BARX1: variants seen among roughly 807,000 people sequenced by gnomAD.
BARX1 encodes the protein BARX homeobox 1.
A neutral mutation model predicts 19.6 loss-of-function variants in BARX1; 10 were observed. The observed-to-expected ratio is 0.51, with a 90% CI of 0.31 to 0.86. BARX1 has a LOEUF of 0.86. BARX1 is among the 40% of genes least tolerant of loss of function. BARX1 has a pLI of 0.04. For missense variants in BARX1, 309 were observed against 360.4 expected (o/e 0.86, Z 1.15); for synonymous variants, 177 against 170.0 (o/e 1.04, Z -0.32).
In BARX1 at chr9:93,955,202, TCCGGCGCGGGG is replaced by T. The variant is rs893544888; in HGVS notation, c.-67_-57del. On this transcript the variant is annotated 5_prime_UTR_variant, in exon 1 of 4. Coordinates refer to ENST00000253968, the MANE Select transcript of BARX1 (RefSeq NM_021570.4). The surrounding 1 kb of genome is among the most constrained non-coding windows in gnomAD (Gnocchi z 4.4). Reference sequence around the variant, plus strand: ...GCGGCGGCGGCGGCGACGGCTTGGCTCCGGCGCGGGGCCCGCGCGGGGCTCTAGGCCGGCCC... The same window carrying T: ...GCGGCGGCGGCGGCGACGGCTTGGCTCCCGCGCGGGGCTCTAGGCCGGCCC... 6.1e-6 allele frequency: 5 copies of T among 814,400 alleles called. No individual in the cohort carries two copies. In the African/African-American group the frequency reaches 9.5e-5, roughly 16 times the overall value. The allele number at this position is 814,400 out of a possible 1,614,324, so 50.4% of individuals were successfully genotyped here.
At position 93,955,004 on chromosome 9, in the gene BARX1, G is replaced by A; in HGVS notation, c.143C>T (p.Ala48Val). Residue 48 changes from alanine (A) to valine (V), a missense_variant, in exon 1 of 4, where the codon GCC becomes GTC. By Grantham distance (64) the Ala-to-Val change is moderately conservative. Transcript: ENST00000253968. The surrounding 1 kb of genome is among the most constrained non-coding windows in gnomAD (Gnocchi z 4.4). ...CAGCTCGCCCGCCGCGGCAGCGGCG[G>A]CTGCGGGCGCGGCGCCCTTGGGCCC... ...PPGPKGAAPA[A>V]AAAAAGELLK... is the part of the protein sequence containing the mutation. 1 of 1,399,712 alleles carries A rather than the reference G, an allele frequency of 7.1e-7. No homozygotes were observed. The highest frequency in any genetic ancestry group is 9.3e-7 in the Non-Finnish European group (1 of 1,077,604). 86.7% of individuals were successfully genotyped at this position (1,399,712 alleles called of 1,614,324 possible). A position where few individuals can be genotyped will look rare whatever the true frequency, so the allele number is the denominator to read the frequency against.
rs1026250284 is a variant in BARX1, at chr9:93,955,179, G to A, written c.-33C>T. The stretch of plus-strand genomic sequence containing the variant: ...CCCACTGCTGCGCCCGCGGTTTGGC[G>A]GCGGCGGCGGCGACGGCTTGGCTCC... On this transcript the variant is annotated 5_prime_UTR_variant, in exon 1 of 4. Coordinates refer to ENST00000253968, the MANE Select transcript of BARX1 (RefSeq NM_021570.4). This position sits in a 1 kb window ranked among gnomAD's most constrained non-coding sequence, Gnocchi z 4.4. The A allele has an allele frequency of 2.8e-5, 27 of 975,784 alleles. 1 individual carries two copies. Among genetic ancestry groups the A allele is most frequent in the Non-Finnish European group, 3.3e-5 (27 of 820,672 alleles). 60.4% of individuals were successfully genotyped at this position (975,784 alleles called of 1,614,324 possible).
Position 93,953,200 on chromosome 9 carries a change from A to C in BARX1, c.224-13T>G, listed in dbSNP as rs1468590640. On this transcript the variant is annotated splice_polypyrimidine_tract_variant and intron_variant, in intron 1 of 3. Transcript: ENST00000253968. Reference sequence around the variant, plus strand: ...GCCTTCAGCACGGCTGCGAAGAAAGAGAATGAGGACCCGGGTGAGCTACGG... The same window carrying C: ...GCCTTCAGCACGGCTGCGAAGAAAGCGAATGAGGACCCGGGTGAGCTACGG... 4 of 1,491,370 alleles carry C rather than the reference A, an allele frequency of 2.7e-6. No individual in the cohort carries two copies. The highest frequency in any genetic ancestry group is 3.5e-6 in the Non-Finnish European group (4 of 1,132,010). The allele number at this position is 1,491,370 out of a possible 1,614,324, so 92.4% of individuals were successfully genotyped here.
chr9:93,953,077 C>G lies in BARX1; in HGVS notation c.334G>C (p.Ala112Pro). 6.4e-7 allele frequency: 1 copy of G among 1,556,242 alleles called. No individual in the cohort carries two copies. The highest frequency in any genetic ancestry group is 8.7e-7 in the Non-Finnish European group (1 of 1,150,896). The change falls in exon 2 of 4, where the codon GCG becomes CCG. Residue 112 changes from alanine to proline, a missense_variant. Physicochemically the swap from Ala to Pro is conservative, Grantham distance 27. Around this residue, in one of 3 missense-constraint regions of BARX1, gnomAD observed 204 missense variants for 206.8 expected, o/e 0.99. Coordinates refer to ENST00000253968, the MANE Select transcript of BARX1 (RefSeq NM_021570.4). ...LAAGPGLPGA[A>P]GAPHLPLELQ... The stretch of plus-strand genomic sequence containing the variant: ...TCGAGCGGCAGGTGTGGCGCACCCG[C>G]GGCGCCGGGCAGCCCGGGCCCTGCC...
chr9:93,953,146 G>C lies in BARX1; in HGVS notation c.265C>G (p.Leu89Val), dbSNP rs541371621. The C allele has an allele frequency of 6.5e-7, 1 of 1,540,326 alleles. No homozygotes were observed. The highest frequency in any genetic ancestry group is 1.4e-5 in the African/African-American group (1 of 72,168). The change falls in exon 2 of 4, where the codon CTG becomes GTG. Residue 89 changes from leucine to valine, a missense_variant. This residue lies in a region of BARX1 where 204 missense variants were observed against 206.8 expected (regional missense o/e 0.99). Coordinates refer to ENST00000253968, the MANE Select transcript of BARX1 (RefSeq NM_021570.4). Reference protein sequence around the residue: ...AEQAAVFKFPLAPLGCSGLSS... With the variant: ...AEQAAVFKFPVAPLGCSGLSS... ...AGCCCTGAACAGCCCAGCGGCGCCA[G>C]TGGGAACTTGAACACCGCCGCCTGC... is the stretch of plus-strand genomic sequence containing the variant.
At chr9:93,953,252 C>T (rs906945660) in intron 1 of BARX1, 65 bp from the exon 2 acceptor site, 2 of 1,423,326 alleles carry the variant, frequency 1.4e-6, no homozygotes, top group Non-Finnish European at 1.8e-6. Context: ...CAGGGACTGC[C>T]GCACCACGTG....
At chr9:93,953,524 A>C in intron 1 of BARX1, 3 of 346,832 alleles carry the variant, frequency 8.6e-6, no homozygotes, top group Middle Eastern at 7.5e-4. Context: ...GAAAGTAGAA[A>C]CCAAAAAGAA....
rs934796935 is a variant in BARX1 at position 93,955,092 on chromosome 9, C to T, written c.55G>A (p.Ala19Thr). ...AARFGPPEGC[A>T]DHRPHRYRSF... The stretch of plus-strand genomic sequence containing the variant: ...CGATAGCGGTGCGGCCGGTGGTCCG[C>T]GCAGCCCTCGGGCGGGCCGAAGCGC... The change falls in exon 1 of 4, where the codon GCG becomes ACG. Residue 19 changes from alanine (A) to threonine (T), a missense_variant. Ala to Thr is a moderately conservative substitution (Grantham distance 58). Coordinates refer to ENST00000253968, the MANE Select transcript of BARX1 (RefSeq NM_021570.4). This position sits in a 1 kb window ranked among gnomAD's most constrained non-coding sequence, Gnocchi z 4.4. 8 of 1,350,688 alleles carry T rather than the reference C, an allele frequency of 5.9e-6. No individual in the cohort carries two copies. In the African/African-American group the frequency reaches 9.2e-5, roughly 16 times the overall value. 83.7% of individuals were successfully genotyped at this position (1,350,688 alleles called of 1,614,324 possible). A position where few individuals can be genotyped will look rare whatever the true frequency, so the allele number is the denominator to read the frequency against.
At chr9:93,954,007 G>A (rs943569217) in intron 1 of BARX1, among the ~76,000 whole-genome samples, 3 of 152,208 alleles carry the variant, frequency 2.0e-5, no homozygotes, top group African/African-American at 7.2e-5. Context: ...TCCCTTCCCC[G>A]ACAGGCCTGT....
rs1332516987 is a variant in BARX1 at position 93,952,129 on chromosome 9, C to A, written c.*35G>T. On this transcript the variant is annotated 3_prime_UTR_variant, in exon 4 of 4. Coordinates refer to ENST00000253968, the MANE Select transcript of BARX1 (RefSeq NM_021570.4). ...CGCCGAGTGAGGGGGCTGCGGGTGGCGCGGGCATCCCAGGCCCCGCACCGT... is the reference window on the plus strand; with the variant it reads ...CGCCGAGTGAGGGGGCTGCGGGTGGAGCGGGCATCCCAGGCCCCGCACCGT... The A allele has an allele frequency of 1.3e-6, 2 of 1,588,214 alleles. No individual in the cohort carries two copies. Among genetic ancestry groups the A allele is most frequent in the Non-Finnish European group, 8.5e-7 (1 of 1,172,436 alleles).
intron 1 of BARX1, among the ~76,000 whole-genome samples, chr9:93,954,022 G>A (rs1275281966): frequency 6.6e-6 from 1 of 152,216 alleles, no homozygotes; most frequent in African/African-American, 2.4e-5. Context: ...GCCTGTCACT[G>A]AGGTGCGAGT....
chr9:93,955,246 G>A lies in BARX1; in HGVS notation c.-100C>T, dbSNP rs1423204104. On this transcript the variant is annotated 5_prime_UTR_variant, in exon 1 of 4. Coordinates refer to ENST00000253968, the MANE Select transcript of BARX1 (RefSeq NM_021570.4). This position sits in a 1 kb window ranked among gnomAD's most constrained non-coding sequence, Gnocchi z 4.4. ...GGGGCTCTAGGCCGGCCCGCAGCTC[G>A]GGGCGGCGCGCGGGCGCCGGCTCAT... 1.1e-5 allele frequency: 5 copies of A among 475,448 alleles called. No homozygotes were observed. The highest frequency in any genetic ancestry group is 2.2e-5 in the African/African-American group (1 of 46,480). 29.5% of individuals were successfully genotyped at this position (475,448 alleles called of 1,614,324 possible). A position where few individuals can be genotyped will look rare whatever the true frequency, so the allele number is the denominator to read the frequency against.
chr9:93,952,916 C>A lies in BARX1; in HGVS notation c.495G>T (p.Lys165Asn). The change falls in exon 2 of 4, where the codon AAG becomes AAT. Residue 165 changes from lysine (K) to asparagine (N), a missense_variant. This residue lies in a region of BARX1 where 34 missense variants were observed against 73.2 expected (regional missense o/e 0.46). Coordinates refer to ENST00000253968, the MANE Select transcript of BARX1 (RefSeq NM_021570.4). ...MGLEKRFEKQ[K>N]YLSTPDRIDL... is the part of the protein sequence containing the mutation. The stretch of plus-strand genomic sequence containing the variant: ...CCTACCTGTCCGGCGTGGAAAGGTA[C>A]TTCTGCTTCTCGAAGCGTTTCTCCA... 6.3e-7 allele frequency: 1 copy of A among 1,590,288 alleles called. No individual in the cohort carries two copies.
At position 93,953,382 on chromosome 9, in the gene BARX1, G is replaced by C. The variant is rs890708181; in HGVS notation, c.224-195C>G. On this transcript the variant is annotated intron_variant, in intron 1 of 3. Transcript: ENST00000253968. ...ACGTTGCCGTTCCCCAGATTTGGGA[G>C]GGAGTATCTCCTCGACCCTGTCCGT... is the stretch of plus-strand genomic sequence containing the variant. The C allele has an allele frequency of 1.7e-4, 105 of 611,886 alleles. 1 individual carries two copies. The African/African-American group carries it at 1.9e-3, about 11-fold the overall frequency. 37.9% of individuals were successfully genotyped at this position (611,886 alleles called of 1,614,324 possible). A position where few individuals can be genotyped will look rare whatever the true frequency, so the allele number is the denominator to read the frequency against.
intron 1 of BARX1, among the ~76,000 whole-genome samples, chr9:93,954,093 C>A (rs1408788944): frequency 6.6e-6 from 1 of 152,156 alleles, no homozygotes; most frequent in Non-Finnish European, 1.5e-5. Flanking sequence ...GGGCAGAGGA[C>A]CCGTAGGGAA....
chr9:93,952,845 C>T, intron 2 of BARX1, 32 bp from the exon 3 acceptor site: 2 of 1,613,822 alleles, frequency 1.2e-6, no homozygotes, highest in Non-Finnish European at 8.5e-7. Context: ...CTCAGCAAGG[C>T]AAGTGACCAC....
Position 93,953,078 on chromosome 9 carries a change from G to A in BARX1, c.333C>T (p.Ala111=), listed in dbSNP as rs1490329476. The A allele has an allele frequency of 1.3e-6, 2 of 1,556,532 alleles. No individual in the cohort carries two copies. Among genetic ancestry groups the A allele is most frequent in the Non-Finnish European group, 1.7e-6 (2 of 1,151,052 alleles). ...LLAAGPGLPG[A]AGAPHLPLEL... ...CGAGCGGCAGGTGTGGCGCACCCGC[G>A]GCGCCGGGCAGCCCGGGCCCTGCCG... is the stretch of plus-strand genomic sequence containing the variant. The change falls in exon 2 of 4, where the codon GCC becomes GCT. Residue 111 remains alanine (A), a synonymous_variant. Coordinates refer to ENST00000253968, the MANE Select transcript of BARX1 (RefSeq NM_021570.4).
rs1829149987 is a variant in BARX1, at chr9:93,955,281, C to G, written c.-135G>C. The G allele has an allele frequency of 4.6e-6, 1 of 218,528 alleles. No homozygotes were observed. The highest frequency in any genetic ancestry group is 2.4e-5 in the African/African-American group (1 of 41,942). The allele number at this position is 218,528 out of a possible 1,614,324, so 13.5% of individuals were successfully genotyped here. A position where few individuals can be genotyped will look rare whatever the true frequency, so the allele number is the denominator to read the frequency against. ...GCGGGCGCCGGCTCATGCCCCCTCC[C>G]CCGCCGGCCGGCCGGGCGGAGGCGC... On this transcript the variant is annotated 5_prime_UTR_variant, in exon 1 of 4. Coordinates refer to ENST00000253968, the MANE Select transcript of BARX1 (RefSeq NM_021570.4). The surrounding 1 kb of genome is among the most constrained non-coding windows in gnomAD (Gnocchi z 4.4).
At chr9:93,953,511 G>C (rs1285983153) in intron 1 of BARX1, 2 of 389,054 alleles carry the variant, frequency 5.1e-6, no homozygotes, top group Non-Finnish European at 9.0e-6. Flanking sequence ...CTTGTCTTTC[G>C]GGGAAAGTAG....
Sources: allele counts gnomAD v4.1 joint callset (sites outside exome capture counted in the v4.1 genomes callset), GRCh38; gene constraint gnomAD v4.1.1; regional missense constraint gnomAD v4.1.1; non-coding constraint Gnocchi (gnomAD v3.1); transcripts MANE v1.5; gene names NCBI Gene and HGNC (gene_info 2026-07-23, HGNC 2026-07-21).